ABRACL: variants seen among roughly 807,000 people sequenced by gnomAD.
ABRACL encodes ABRA C-terminal like.
ABRACL carries 4 observed loss-of-function variants against 7.0 expected under a neutral mutation model. The observed-to-expected ratio is 0.57, with a 90% confidence interval of 0.28 to 1.30. The LOEUF (loss-of-function observed/expected upper bound fraction) is 1.30. Among genes scored for constraint, ABRACL ranks in the 50% most tolerant of loss-of-function variants. ABRACL has a pLI of 0.10. For synonymous variants in ABRACL, 30 were observed against 36.0 expected (o/e 0.83, Z 0.60); for missense variants, 104 against 97.3 (o/e 1.07, Z -0.29).
chr6:139,038,973 C>T (rs959191843), intron 2 of ABRACL, among the ~76,000 whole-genome samples: 9 of 152,204 alleles, frequency 5.9e-5, no homozygotes, highest in Admixed American at 5.9e-4. Context: ...CCTATAATCC[C>T]AGCACTTTGG....
intron 2 of ABRACL, among the ~76,000 whole-genome samples, chr6:139,037,636 C>T (rs372133437): frequency 2.6e-5 from 4 of 152,306 alleles, no homozygotes. Flanking sequence ...CATTTCACCA[C>T]ACCCACTTGA....
At chr6:139,036,432 C>T (rs1360278648) in intron 2 of ABRACL, among the ~76,000 whole-genome samples, 6 of 152,042 alleles carry the variant, frequency 3.9e-5, no homozygotes, top group African/African-American at 1.2e-4. Context: ...CCTACTATTC[C>T]CTCTTTTTTG....
At chr6:139,035,925 C>A (rs9495318) in intron 2 of ABRACL, among the ~76,000 whole-genome samples, 3,357 of 149,752 alleles carry the variant, frequency 0.022, 121 homozygotes, top group African/African-American at 0.076. Context: ...CATGGTGAAA[C>A]CCTGTCTCTA....
chr6:139,041,189 C>T (rs1479183895), intron 2 of ABRACL, among the ~76,000 whole-genome samples: 2 of 152,148 alleles, frequency 1.3e-5, no homozygotes, highest in Non-Finnish European at 2.9e-5. Flanking sequence ...ACTGTCTCCT[C>T]CATGAAGTCT....
intron 1 of ABRACL, among the ~76,000 whole-genome samples, chr6:139,029,122 C>T (rs1251393878): frequency 6.6e-6 from 1 of 152,174 alleles, no homozygotes; most frequent in Non-Finnish European, 1.5e-5. Flanking sequence ...GACGTTTCGC[C>T]GGCCGGGGGC....
rs970799043 is a variant in ABRACL at position 139,037,469 on chromosome 6, C to T, written c.61+3248C>T. ...AGAGATGGGGTTTTGCCATGTTGGC[C>T]AGGCTGGTCTCGAACTTCTGGCCTC... On this transcript the variant is annotated intron_variant, in intron 2 of 2. Coordinates refer to ENST00000367660, the MANE Select transcript of ABRACL (RefSeq NM_021243.3). Among the ~76,000 whole-genome samples the T allele has an allele frequency of 8.5e-5, 13 of 152,242 alleles. No individual in the cohort carries two copies. The South Asian group carries it at 1.0e-3, about 12-fold the overall frequency.
chr6:139,031,430 C>T (rs1225700534), intron 1 of ABRACL, among the ~76,000 whole-genome samples: 6 of 152,108 alleles, frequency 3.9e-5, no homozygotes, highest in Non-Finnish European at 8.8e-5. Flanking sequence ...GTTTTTAAAG[C>T]AGCAGTTCTT....
intron 2 of ABRACL, 85 bp downstream of exon 2, chr6:139,034,306 G>C: frequency 6.2e-7 from 1 of 1,610,766 alleles, no homozygotes; most frequent in Non-Finnish European, 8.5e-7. Context: ...CCTATGAAGG[G>C]GTCACCCAGG....
intron 1 of ABRACL, among the ~76,000 whole-genome samples, chr6:139,031,810 GGTA>G (rs1453809792): frequency 2.0e-5 from 3 of 152,096 alleles, no homozygotes; most frequent in African/African-American, 7.2e-5. Context: ...CTGGGCCCAG[GGTA>G]AGACTCTACC....
chr6:139,042,927 C>A lies in ABRACL; in HGVS notation c.*24C>A. The A allele has an allele frequency of 6.5e-7, 1 of 1,535,762 alleles. No individual in the cohort carries two copies. The highest frequency in any genetic ancestry group is 8.8e-7 in the Non-Finnish European group (1 of 1,136,718). On this transcript the variant is annotated 3_prime_UTR_variant, in exon 3 of 3. Transcript: ENST00000367660. Reference sequence around the variant, plus strand: ...AATGTGGTTTACATATCTTTATGTACTGCCATTTTTTGTTTCTGGTAAACT... The same window carrying A: ...AATGTGGTTTACATATCTTTATGTAATGCCATTTTTTGTTTCTGGTAAACT...
chr6:139,029,622 G>A (rs1018774261), intron 1 of ABRACL, among the ~76,000 whole-genome samples: 4 of 152,154 alleles, frequency 2.6e-5, no homozygotes, highest in African/African-American at 9.7e-5. Context: ...TGGGCTGCAG[G>A]GCACGGGGTT....
chr6:139,041,451 C>CTCTCTCTCTCTATATA (rs140091253), intron 2 of ABRACL, among the ~76,000 whole-genome samples: 11 of 110,036 alleles, frequency 1.0e-4, no homozygotes, highest in African/African-American at 2.1e-4. Context: ...CTCTCTCTCT[C>CTCTCTCTCTCTATATA]TATATATATA....
At chr6:139,041,656 C>A (rs756599921) in intron 2 of ABRACL, among the ~76,000 whole-genome samples, 1 of 151,388 alleles carries the variant, frequency 6.6e-6, no homozygotes, top group Admixed American at 6.6e-5. Context: ...CCGTTGCACT[C>A]GGCCGGGATG....
intron 2 of ABRACL, among the ~76,000 whole-genome samples, chr6:139,041,451 CTATA>C (rs1554211122): frequency 0.22 from 24,078 of 109,652 alleles, 2,950 homozygotes; most frequent in South Asian, 0.52. Context: ...CTCTCTCTCT[CTATA>C]TATATATATA....
At chr6:139,034,305 G>A in intron 2 of ABRACL, 84 bp downstream of exon 2, 1 of 1,610,786 alleles carries the variant, frequency 6.2e-7, no homozygotes, top group Non-Finnish European at 8.5e-7. Flanking sequence ...GCCTATGAAG[G>A]GGTCACCCAG....
At chr6:139,030,452 C>T (rs1192367488) in intron 1 of ABRACL, among the ~76,000 whole-genome samples, 2 of 152,192 alleles carry the variant, frequency 1.3e-5, no homozygotes, top group African/African-American at 4.8e-5. Context: ...TTGCTCTCTG[C>T]AGTCCTGGGA....
At chr6:139,029,502 G>A (rs1786046482) in intron 1 of ABRACL, among the ~76,000 whole-genome samples, 1 of 152,010 alleles carries the variant, frequency 6.6e-6, no homozygotes, top group Admixed American at 6.5e-5. Flanking sequence ...CGGAGACAAA[G>A]ACTTCCGGGA....
chr6:139,036,696 C>A (rs1786161445), intron 2 of ABRACL, among the ~76,000 whole-genome samples: 1 of 152,098 alleles, frequency 6.6e-6, no homozygotes, highest in South Asian at 2.1e-4. Flanking sequence ...CAGATAAAAT[C>A]TCATAGTCCA....
At chr6:139,034,248 T>G in intron 2 of ABRACL, 27 bp downstream of exon 2, 1 of 1,614,240 alleles carries the variant, frequency 6.2e-7, no homozygotes, top group Non-Finnish European at 8.5e-7. Context: ...GATAGAGTAT[T>G]TCTCCTGGCT....
Sources: allele counts gnomAD v4.1 joint callset (sites outside exome capture counted in the v4.1 genomes callset), GRCh38; gene constraint gnomAD v4.1.1; transcripts MANE v1.5; gene names NCBI Gene and HGNC (gene_info 2026-07-23, HGNC 2026-07-21).